NF2: variants seen among roughly 807,000 people sequenced by gnomAD.
The protein encoded by NF2 is merlin.
A neutral mutation model predicts 83.7 loss-of-function variants in NF2; 8 were observed. The observed-to-expected ratio is 0.10, with a 90% CI of 0.06 to 0.17. NF2 has a LOEUF of 0.17. Among genes scored for constraint, NF2 ranks in the 10% least tolerant of loss-of-function variants. The pLI is 1.00. For synonymous variants in NF2, 266 were observed against 269.6 expected (o/e 0.99, Z 0.13); for missense variants, 533 against 744.4 (o/e 0.72, Z 3.31).
intron 7 of NF2, 32 bp from the exon 8 acceptor site, chr22:29,661,173 G>T (rs754910097): frequency 1.9e-6 from 3 of 1,614,004 alleles, no homozygotes; most frequent in Non-Finnish European, 2.5e-6. Flanking sequence ...CTCAGCTGGC[G>T]CTTACAGTAG....
intron 4 of NF2, among the ~76,000 whole-genome samples, chr22:29,650,518 TTC>T (rs1491086103): frequency 6.6e-6 from 1 of 152,060 alleles, no homozygotes; most frequent in Non-Finnish European, 1.5e-5. Context: ...GTTTGTTTGT[TTC>T]TTTCTTTTTC....
At position 29,671,914 on chromosome 22, in the gene NF2, T is replaced by C. The variant is rs2066804849; in HGVS notation, c.1088T>C (p.Met363Thr). Residue 363 changes from methionine (M) to threonine (T), a missense_variant, in exon 11 of 16, where the codon ATG becomes ACG. Around this residue, in one of 3 missense-constraint regions of NF2, gnomAD observed 326 missense variants for 475.1 expected, o/e 0.69. Transcript: ENST00000338641. Reference protein sequence around the residue: ...RDELERRLLQMKEEATMANEA... With the variant: ...RDELERRLLQTKEEATMANEA... ...GAGTTGGAGAGGAGGCTGCTGCAGATGAAAGAAGAAGCAACAATGGCCAAC... is the reference window on the plus strand; with the variant it reads ...GAGTTGGAGAGGAGGCTGCTGCAGACGAAAGAAGAAGCAACAATGGCCAAC... 6.2e-7 allele frequency: 1 copy of C among 1,614,144 alleles called. No homozygotes were observed. The highest frequency in any genetic ancestry group is 8.5e-7 in the Non-Finnish European group (1 of 1,180,032).
chr22:29,663,060 T>A (rs949029415), intron 8 of NF2, among the ~76,000 whole-genome samples: 6 of 152,208 alleles, frequency 3.9e-5, no homozygotes, highest in African/African-American at 1.4e-4. Context: ...TAAGACAGAC[T>A]GAGCCCCTTA....
chr22:29,650,501 C>A (rs1272763021), intron 4 of NF2, among the ~76,000 whole-genome samples: 3 of 152,006 alleles, frequency 2.0e-5, no homozygotes, highest in Non-Finnish European at 4.4e-5. Flanking sequence ...TTGCCTACTA[C>A]TGTATTGTTT....
chr22:29,618,763 C>A (rs939505121), intron 1 of NF2, among the ~76,000 whole-genome samples: 1 of 152,146 alleles, frequency 6.6e-6, no homozygotes, highest in Non-Finnish European at 1.5e-5. Flanking sequence ...TTTTCACATA[C>A]CTAAGTGAGA....
At chr22:29,639,234 C>G (rs2065734892) in intron 3 of NF2, 22 bp downstream of exon 3, 4 of 1,613,838 alleles carry the variant, frequency 2.5e-6, no homozygotes, top group Admixed American at 1.7e-5. Flanking sequence ...AAGGCTACCC[C>G]CCAGTTCTGA....
chr22:29,688,905 A>G lies in NF2; in HGVS notation c.1738-5847A>G, dbSNP rs190878240. ...TGCAGAAAAGCTTGATCTGGGCCGG[A>G]CGCGGTGGCTTATGCCTGTAATCCC... On this transcript the variant is annotated intron_variant, in intron 15 of 15. Coordinates refer to ENST00000338641, the MANE Select transcript of NF2 (RefSeq NM_000268.4). 4.7e-3 allele frequency among the ~76,000 whole-genome samples: 719 copies of G among 152,228 alleles called. 4 individuals are homozygous for G. Among genetic ancestry groups the G allele is most frequent in the Non-Finnish European group, 7.7e-3 (522 of 68,008 alleles).
In NF2 at chr22:29,664,272, C is replaced by T. The variant is rs551754285; in HGVS notation, c.811-718C>T. Reference sequence around the variant, plus strand: ...ACGGGTGTGAGCCACCATATCTGGCCGCCTCTGACTTTTATTCTCACTGCC... The same window carrying T: ...ACGGGTGTGAGCCACCATATCTGGCTGCCTCTGACTTTTATTCTCACTGCC... On this transcript the variant is annotated intron_variant, in intron 8 of 15. Coordinates refer to ENST00000338641, the MANE Select transcript of NF2 (RefSeq NM_000268.4). Among the ~76,000 whole-genome samples the T allele has an allele frequency of 4.9e-4, 75 of 152,034 alleles. No individual in the cohort carries two copies. In the Middle Eastern group the frequency reaches 0.014, roughly 28 times the overall value.
intron 4 of NF2, among the ~76,000 whole-genome samples, chr22:29,649,171 C>G (rs2066070265): frequency 6.6e-6 from 1 of 151,666 alleles, no homozygotes; most frequent in Non-Finnish European, 1.5e-5. Flanking sequence ...ACACAAAAGG[C>G]CACATATTTT....
chr22:29,666,769 G>A (rs2066635582), intron 9 of NF2, among the ~76,000 whole-genome samples: 1 of 152,094 alleles, frequency 6.6e-6, no homozygotes, highest in Admixed American at 6.5e-5. Flanking sequence ...CTGAGGTCAG[G>A]AGTTCAAGAC....
At chr22:29,651,164 T>A (rs962951266) in intron 4 of NF2, among the ~76,000 whole-genome samples, 1 of 152,192 alleles carries the variant, frequency 6.6e-6, no homozygotes, top group Non-Finnish European at 1.5e-5. Context: ...TTTCTATATA[T>A]GTAGTAATCT....
Position 29,681,462 on chromosome 22 carries a change from A to G in NF2, c.1598A>G (p.Lys533Arg), listed in dbSNP as rs745432431. 1.9e-6 allele frequency: 3 copies of G among 1,614,186 alleles called. No individual in the cohort carries two copies. Among genetic ancestry groups the G allele is most frequent in the South Asian group, 2.2e-5 (2 of 91,078 alleles). The change falls in exon 15 of 16, where the codon AAG (lysine) becomes AGG (arginine). Residue 533 changes from lysine (K) to arginine (R), a missense_variant. Physicochemically the swap from Lys to Arg is conservative, Grantham distance 26 (BLOSUM62 2). Transcript: ENST00000338641. ...AGAGTGGAATACATGGAAAAGAGCAAGCATCTGCAGGAGCAGCTCAATGAA... is the reference window on the plus strand; with the variant it reads ...AGAGTGGAATACATGGAAAAGAGCAGGCATCTGCAGGAGCAGCTCAATGAA... ...KEKVEYMEKS[K>R]HLQEQLNELK...
intron 13 of NF2, among the ~76,000 whole-genome samples, chr22:29,676,331 G>A (rs1030521374): frequency 2.0e-5 from 3 of 151,762 alleles, no homozygotes; most frequent in Non-Finnish European, 2.9e-5. Context: ...GCACCACCAC[G>A]CCCAGCTAAT....
chr22:29,668,854 C>T (rs80251306), intron 10 of NF2, among the ~76,000 whole-genome samples: 4,000 of 152,308 alleles, frequency 0.026, 109 homozygotes, highest in African/African-American at 0.068. Flanking sequence ...TCAGTGCTTG[C>T]GGCTGGAATG....
At position 29,642,270 on chromosome 22, in the gene NF2, C is replaced by T. The variant is rs1060503667; in HGVS notation, c.432C>T (p.Tyr144=). 7.4e-6 allele frequency: 12 copies of T among 1,613,930 alleles called. No individual in the cohort carries two copies. The highest frequency in any genetic ancestry group is 4.5e-5 in the East Asian group (2 of 44,894). Residue 144 remains tyrosine, a synonymous_variant, in exon 4 of 16, where the codon TAC becomes TAT. Coordinates refer to ENST00000338641, the MANE Select transcript of NF2 (RefSeq NM_000268.4). ...PPEASVLLAS[Y]AVQAKYGDYD... ...AGGCTTCTGTGCTCCTGGCTTCTTA[C>T]GCCGTCCAGGCCAAGGTAGGCTCAA...
At chr22:29,632,252 G>A (rs2065533929) in intron 1 of NF2, among the ~76,000 whole-genome samples, 1 of 152,122 alleles carries the variant, frequency 6.6e-6, no homozygotes, top group South Asian at 2.1e-4. Context: ...TTCCTGTAAG[G>A]ACGACTGACC....
chr22:29,649,764 AAGG>A lies in NF2; in HGVS notation c.448-4890_448-4888del, dbSNP rs572590635. Among the ~76,000 whole-genome samples the A allele has an allele frequency of 3.3e-3, 492 of 151,360 alleles. 6 individuals are homozygous for A. The highest frequency in any genetic ancestry group is 0.011 in the African/African-American group (470 of 40,986). ...TCTGAAAAATAAAATAAAAATAAAA[AAGG>A]AGCCACTGGTACAAAAAAAAAAAAG... On this transcript the variant is annotated intron_variant, in intron 4 of 15. Transcript: ENST00000338641.
chr22:29,644,066 C>T (rs1435314368), intron 4 of NF2, among the ~76,000 whole-genome samples: 14 of 142,710 alleles, frequency 9.8e-5, no homozygotes, highest in East Asian at 2.2e-4. Flanking sequence ...CGGGCGGAGA[C>T]GCTCCTCACT....
chr22:29,674,745 G>A, intron 12 of NF2, 91 bp from the exon 13 acceptor site: 1 of 1,130,946 alleles, frequency 8.8e-7, no homozygotes. Context: ...CTCAGGGTTA[G>A]CCCAGGTCCC....
Sources: allele counts gnomAD v4.1 joint callset (sites outside exome capture counted in the v4.1 genomes callset), GRCh38; gene constraint gnomAD v4.1.1; regional missense constraint gnomAD v4.1.1; transcripts MANE v1.5; gene names NCBI Gene and HGNC (gene_info 2026-07-23, HGNC 2026-07-21).